The following ZFHX3 variants were observed in gnomAD, a reference collection of about 807,000 sequenced individuals.
The protein encoded by ZFHX3 is zinc finger homeobox 3.
Under a neutral mutation model 279.1 loss-of-function variants are expected in ZFHX3, and 42 were observed. The observed-to-expected ratio is 0.15, with a 90% CI of 0.12 to 0.19. The LOEUF is 0.19. Among genes scored for constraint, ZFHX3 ranks in the 10% least tolerant of loss-of-function variants. The pLI is 1.00. For missense variants in ZFHX3, 4,981 were observed against 4,754.0 expected, an observed-to-expected ratio of 1.05 and a Z score of -1.40; for synonymous variants, 2,293 against 1,957.8, an observed-to-expected ratio of 1.17 and a Z score of -4.52.
Position 73,327,761 on chromosome 16 carries a change from A to T in ZFHX3, c.-1290-9425T>A, listed in dbSNP as rs115846854. Among the ~76,000 whole-genome samples, 1,066 of 152,364 alleles carry T rather than the reference A, an allele frequency of 7.0e-3. 14 individuals carry two copies. Among genetic ancestry groups the T allele is most frequent in the African/African-American group, 0.024 (982 of 41,596 alleles). On this transcript the variant is annotated intron_variant, in intron 3 of 17. Transcript: ENST00000641206. ...TGGAATAGAATCTTTGTGATTGATG[A>T]CAACTGCAATCTCACATTCACCCAT...
At chr16:73,621,827 T>C (rs1026221031) in intron 2 of ZFHX3, among the ~76,000 whole-genome samples, 4 of 152,018 alleles carry the variant, frequency 2.6e-5, no homozygotes, top group African/African-American at 9.7e-5. Flanking sequence ...CCGAACAGCT[T>C]AGGAGTTTCA....
At chr16:73,760,659 G>C (rs1001790816) in intron 1 of ZFHX3, among the ~76,000 whole-genome samples, 3 of 152,120 alleles carry the variant, frequency 2.0e-5, no homozygotes, top group Admixed American at 6.5e-5. Context: ...GGGATGCAAG[G>C]CTGGTTCAAG....
At chr16:73,282,548 T>C (rs145541347) in intron 4 of ZFHX3, among the ~76,000 whole-genome samples, 30 of 152,338 alleles carry the variant, frequency 2.0e-4, no homozygotes, top group African/African-American at 7.0e-4. Flanking sequence ...CCATATTGAT[T>C]ACATTGTCTC....
chr16:73,823,597 T>C (rs908998052), intron 1 of ZFHX3, among the ~76,000 whole-genome samples: 10 of 152,210 alleles, frequency 6.6e-5, no homozygotes, highest in African/African-American at 2.4e-4. Context: ...TAAATAAAGC[T>C]GTACTGAAAT....
At chr16:73,097,423 C>G (rs191260800) in intron 7 of ZFHX3, among the ~76,000 whole-genome samples, 43 of 152,228 alleles carry the variant, frequency 2.8e-4, no homozygotes, top group Middle Eastern at 3.4e-3. Flanking sequence ...ACAGCTCTTA[C>G]TGTCTTTTCT....
rs980471870 is a variant in ZFHX3, at chr16:73,298,130, A to G, written c.-1194+20110T>C. Among the ~76,000 whole-genome samples, 57 of 151,870 alleles carry G rather than the reference A, an allele frequency of 3.8e-4. 1 individual carries two copies. The highest frequency in any genetic ancestry group is 1.3e-3 in the African/African-American group (55 of 41,220). ...TGCTTGAGTCTAGGAGTTTGAGGTTACAGTGAGCTATGATTGAGTCACTGT... is the reference window on the plus strand; with the variant it reads ...TGCTTGAGTCTAGGAGTTTGAGGTTGCAGTGAGCTATGATTGAGTCACTGT... On this transcript the variant is annotated intron_variant, in intron 4 of 17. Transcript: ENST00000641206.
intron 3 of ZFHX3, among the ~76,000 whole-genome samples, chr16:72,899,698 A>G (rs1441287129): frequency 6.6e-6 from 1 of 152,152 alleles, no homozygotes; most frequent in Non-Finnish European, 1.5e-5. Flanking sequence ...AGGGCAAGTC[A>G]CATACACTGT....
At chr16:73,848,646 G>A (rs920673335) in intron 1 of ZFHX3, among the ~76,000 whole-genome samples, 17 of 152,194 alleles carry the variant, frequency 1.1e-4, no homozygotes, top group African/African-American at 4.1e-4. Context: ...TAAATCACAG[G>A]TTCATGGATA....
intron 1 of ZFHX3, among the ~76,000 whole-genome samples, chr16:73,769,749 A>G (rs1204175787): frequency 6.6e-6 from 1 of 152,226 alleles, no homozygotes; most frequent in Non-Finnish European, 1.5e-5. Context: ...TCAACAACCC[A>G]GTTATCCTAC....
intron 1 of ZFHX3, among the ~76,000 whole-genome samples, chr16:73,690,301 C>T (rs903045148): frequency 6.6e-6 from 1 of 152,154 alleles, no homozygotes; most frequent in Non-Finnish European, 1.5e-5. Context: ...CATCCATGTA[C>T]GGGGCCTATG....
chr16:73,604,674 G>A (rs2052159115), intron 2 of ZFHX3, among the ~76,000 whole-genome samples: 1 of 151,800 alleles, frequency 6.6e-6, no homozygotes, highest in South Asian at 2.1e-4. Context: ...CACCCCGGGA[G>A]GCGGAGGTAG....
chr16:73,752,690 T>C (rs887643141), intron 1 of ZFHX3, among the ~76,000 whole-genome samples: 2 of 152,132 alleles, frequency 1.3e-5, no homozygotes, highest in Non-Finnish European at 1.5e-5. Context: ...GGGGGAAGAA[T>C]CAGCCCTAAC....
intron 4 of ZFHX3, among the ~76,000 whole-genome samples, chr16:73,311,090 G>A (rs998526291): frequency 1.2e-4 from 18 of 149,786 alleles, no homozygotes; most frequent in Middle Eastern, 3.6e-3. Context: ...AAAATTAGCC[G>A]GGCATGGTGG....
intron 3 of ZFHX3, among the ~76,000 whole-genome samples, chr16:73,327,334 C>T (rs990980734): frequency 6.6e-5 from 10 of 152,162 alleles, no homozygotes; most frequent in African/African-American, 2.4e-4. Flanking sequence ...TCCAAGTATT[C>T]CATGAGACCA....
chr16:73,296,083 T>C (rs2014902837), intron 4 of ZFHX3, among the ~76,000 whole-genome samples: 1 of 151,876 alleles, frequency 6.6e-6, no homozygotes, highest in Non-Finnish European at 1.5e-5. Flanking sequence ...TGTGTGTGTG[T>C]GTGTGTGTGT....
chr16:73,532,820 T>A (rs1177602193), intron 2 of ZFHX3, among the ~76,000 whole-genome samples: 1 of 152,232 alleles, frequency 6.6e-6, no homozygotes, highest in African/African-American at 2.4e-5. Context: ...GTTTCCCTCA[T>A]GCTGTTCCCA....
At chr16:72,962,987 C>T (rs983394032) in intron 1 of ZFHX3, among the ~76,000 whole-genome samples, 2 of 152,168 alleles carry the variant, frequency 1.3e-5, no homozygotes, top group Admixed American at 6.5e-5. Context: ...GGCTCTCTCT[C>T]GCTCTGTTTA....
chr16:72,854,964 AC>A (rs964560324), intron 4 of ZFHX3, among the ~76,000 whole-genome samples: 37 of 151,938 alleles, frequency 2.4e-4, no homozygotes, highest in Non-Finnish European at 3.8e-4. Context: ...AATGGAAAAA[AC>A]ATTCCAAATT....
chr16:73,254,056 G>A (rs2013591451), intron 5 of ZFHX3, among the ~76,000 whole-genome samples: 1 of 152,076 alleles, frequency 6.6e-6, no homozygotes, highest in South Asian at 2.1e-4. Context: ...TTCATTCCAG[G>A]CCACGCCACT....
Sources: allele counts gnomAD v4.1 joint callset (sites outside exome capture counted in the v4.1 genomes callset), GRCh38; gene constraint gnomAD v4.1.1; transcripts MANE v1.5; gene names NCBI Gene and HGNC (gene_info 2026-07-23, HGNC 2026-07-21).